Variants in E4F1 observed in about 807,000 individuals in gnomAD.
E4F1 encodes the protein E4F transcription factor 1.
In E4F1, 30 loss-of-function variants were observed where a neutral mutation model predicts 72.9. That is an observed-to-expected ratio of 0.41 (90% CI 0.31 to 0.56). The LOEUF is 0.56. Ranked by LOEUF, E4F1 falls within the 20% of genes least tolerant of loss-of-function variation. The probability of loss-of-function intolerance (pLI) is 0.25; values close to 1 mark genes in which losing one functional copy is unlikely to be tolerated. For synonymous variants in E4F1, 542 were observed against 478.2 expected, an observed-to-expected ratio of 1.13 and a Z score of -1.74; for missense variants, 1,091 against 1,117.5, an observed-to-expected ratio of 0.98 and a Z score of 0.34.
chr16:2,225,755 C>T (rs545712149), intron 1 of E4F1, among the ~76,000 whole-genome samples: 6 of 145,072 alleles, frequency 4.1e-5, no homozygotes, highest in African/African-American at 1.5e-4. Context: ...TACAGTCGTG[C>T]GCCACCGTGC....
chr16:2,233,458 C>A lies in E4F1; in HGVS notation c.1077C>A (p.Leu359=). The A allele has an allele frequency of 6.6e-7, 1 of 1,507,284 alleles. No homozygotes were observed. Among genetic ancestry groups the A allele is most frequent in the Non-Finnish European group, 8.8e-7 (1 of 1,133,084 alleles). 93.4% of individuals were successfully genotyped at this position (1,507,284 alleles called of 1,614,324 possible). A position where few individuals can be genotyped will look rare whatever the true frequency, so the allele number is the denominator to read the frequency against. ...TGCAGCCCCCCGTCTCCCAGGAGCT[C>A]CCCTGCTCCAGCGAGGGCAGCCGTG... ...LAPEPPVSQE[L]PCSSEGSREN... is the part of the protein sequence containing the mutation. The change falls in exon 8 of 14, where the codon CTC becomes CTA. Residue 359 remains leucine (L), a synonymous_variant. Coordinates refer to ENST00000301727, the MANE Select transcript of E4F1 (RefSeq NM_004424.5).
chr16:2,229,516 G>A (rs2093453061), intron 2 of E4F1, 54 bp from the exon 3 acceptor site: 8 of 1,568,162 alleles, frequency 5.1e-6, no homozygotes, highest in Non-Finnish European at 6.9e-6. Flanking sequence ...TCTTCTCTGA[G>A]AACTAACTCT....
In E4F1 at chr16:2,229,751, G is replaced by T. The variant is rs2093455479; in HGVS notation, c.415+76G>T. ...CCAGAGGATGGGGCCCCTGCTGCCT[G>T]TATGCTCGTCTCTCCCGAGACCAGG... On this transcript the variant is annotated intron_variant, in intron 3 of 13. Transcript: ENST00000301727. The T allele has an allele frequency of 4.7e-6, 7 of 1,497,468 alleles. No individual in the cohort carries two copies. The Admixed American group carries it at 1.0e-4, about 22-fold the overall frequency. The allele number at this position is 1,497,468 out of a possible 1,614,324, so 92.8% of individuals were successfully genotyped here. A position where few individuals can be genotyped will look rare whatever the true frequency, so the allele number is the denominator to read the frequency against.
chr16:2,230,068 C>G (rs555333337), intron 3 of E4F1: 77 of 268,158 alleles, frequency 2.9e-4, no homozygotes, highest in African/African-American at 1.5e-3. Flanking sequence ...CGCCCAGCAG[C>G]GGCTCTGGAG....
chr16:2,234,910 C>T lies in E4F1; in HGVS notation c.1844C>T (p.Ala615Val), dbSNP rs1230976886. 18 of 1,553,312 alleles carry T rather than the reference C, an allele frequency of 1.2e-5. No homozygotes were observed. Among genetic ancestry groups the T allele is most frequent in the Admixed American group, 1.9e-5 (1 of 51,286 alleles). The change falls in exon 12 of 14, where the codon GCG (alanine) becomes GTG (valine). Residue 615 changes from alanine (A) to valine (V), a missense_variant. This residue lies in a region of E4F1 where 622 missense variants were observed against 628.0 expected (regional missense o/e 0.99). Transcript: ENST00000301727. ...TTGCTGGTGTCTGAGGACAGCCCCGCGGCAGCCACCACCGTCCTCACGGAA... is the reference window on the plus strand; with the variant it reads ...TTGCTGGTGTCTGAGGACAGCCCCGTGGCAGCCACCACCGTCCTCACGGAA... The part of the protein sequence containing the change: ...EELLVSEDSP[A>V]AATTVLTEDP...
Position 2,223,646 on chromosome 16 carries a change from C to T in E4F1, c.33C>T (p.Ala11=), listed in dbSNP as rs2093411899. ...GCGCGATGGCAGTGCGGGTGACGGC[C>T]GCTCATACGGCAGAAGCCCAGGCCG... is the stretch of plus-strand genomic sequence containing the variant. MEGAMAVRVT[A]AHTAEAQAEA... is the part of the protein sequence containing the mutation. Residue 11 remains alanine, a synonymous_variant, in exon 1 of 14, where the codon GCC becomes GCT. Transcript: ENST00000301727. 32 of 1,590,508 alleles carry T rather than the reference C, an allele frequency of 2.0e-5. No individual in the cohort carries two copies. Among genetic ancestry groups the T allele is most frequent in the Non-Finnish European group, 2.6e-5 (31 of 1,174,156 alleles).
Position 2,234,562 on chromosome 16 carries a change from CACTG to C in E4F1, c.1594-18_1594-15del. The C allele has an allele frequency of 6.4e-7, 1 of 1,565,374 alleles. No individual in the cohort carries two copies. Among genetic ancestry groups the C allele is most frequent in the South Asian group, 1.2e-5 (1 of 86,442 alleles). On this transcript the variant is annotated splice_polypyrimidine_tract_variant and intron_variant, in intron 10 of 13. Transcript: ENST00000301727. ...TCTGTTGTGGCCAAGGCCAGGCTGG[CACTG>C]ACAGGTGTCTCCACAGAACGCACAG...
chr16:2,229,874 A>G (rs1293039089), intron 3 of E4F1, 199 bp downstream of exon 3: 2 of 581,348 alleles, frequency 3.4e-6, no homozygotes, highest in Non-Finnish European at 3.1e-6. Flanking sequence ...TCAGGTGTCC[A>G]CAGTGGCCGG....
Position 2,232,199 on chromosome 16 carries a change from G to C in E4F1, c.444G>C (p.Val148=), listed in dbSNP as rs1474025734. 1 of 1,612,488 alleles carries C rather than the reference G, an allele frequency of 6.2e-7. No homozygotes were observed. Among genetic ancestry groups the C allele is most frequent in the Non-Finnish European group, 8.5e-7 (1 of 1,179,936 alleles). ...VGGGHIKEVI[V]AAEAELGDGE... The stretch of plus-strand genomic sequence containing the variant: ...GTGGGCACATCAAAGAGGTCATCGT[G>C]GCTGCTGAGGCGGAGCTGGGAGACG... The change falls in exon 4 of 14, where the codon GTG becomes GTC. Residue 148 remains valine (V), a synonymous_variant. Transcript: ENST00000301727.
intron 1 of E4F1, among the ~76,000 whole-genome samples, chr16:2,226,503 G>A (rs567934857): frequency 5.1e-4 from 78 of 152,334 alleles, no homozygotes; most frequent in Non-Finnish European, 9.3e-4. Flanking sequence ...CTGTGGTTTG[G>A]CCCTTTCTCC....
In E4F1 at chr16:2,232,607, G is replaced by A. The variant is rs375723167; in HGVS notation, c.730+31G>A. 45 of 1,609,956 alleles carry A rather than the reference G, an allele frequency of 2.8e-5. No homozygotes were observed. The African/African-American group carries it at 2.8e-4, about 10-fold the overall frequency. On this transcript the variant is annotated intron_variant, in intron 5 of 13. Transcript: ENST00000301727. ...CTGGCCGCACCTCGGGCTGGAGCCC[G>A]GTAGCACCCCGATGGTTGGCCCTGG...
Position 2,232,889 on chromosome 16 carries a change from C to T in E4F1, c.864C>T (p.Ser288=), listed in dbSNP as rs1440877378. Residue 288 remains serine (S), a synonymous_variant, in exon 6 of 14, where the codon AGC becomes AGT. Coordinates refer to ENST00000301727, the MANE Select transcript of E4F1 (RefSeq NM_004424.5). ...RFSVSKDVVV[S]KEDARAGSGA... ...GTGTGAGCAAGGACGTGGTTGTCAG[C>T]AAAGAGGACGCACGTGCAGGTCAGC... 48 of 1,613,238 alleles carry T rather than the reference C, an allele frequency of 3.0e-5. No homozygotes were observed. The highest frequency in any genetic ancestry group is 3.8e-5 in the Non-Finnish European group (45 of 1,180,014).
chr16:2,234,843 G>C lies in E4F1; in HGVS notation c.1793-16G>C. 6.5e-7 allele frequency: 1 copy of C among 1,548,336 alleles called. No homozygotes were observed. Among genetic ancestry groups the C allele is most frequent in the African/African-American group, 1.4e-5 (1 of 73,130 alleles). ...GGCCGGGGCTTGCCTAGCCCTGACC[G>C]AGTCCCCACCCACAGGGGGCTGCCT... On this transcript the variant is annotated splice_polypyrimidine_tract_variant and intron_variant, in intron 11 of 13. Coordinates refer to ENST00000301727, the MANE Select transcript of E4F1 (RefSeq NM_004424.5).
chr16:2,228,887 G>A lies in E4F1; in HGVS notation c.309+364G>A, dbSNP rs544822081. Among the ~76,000 whole-genome samples the A allele has an allele frequency of 2.2e-4, 34 of 152,338 alleles. 3 individuals carry two copies. The highest frequency in any genetic ancestry group is 1.4e-3 in the Admixed American group (21 of 15,312). On this transcript the variant is annotated intron_variant, in intron 2 of 13. Transcript: ENST00000301727. ...CACACAGTCCCTAGGGACTTCACAC[G>A]TGAAGTGTGGCCCTGGGGGGTCCCG...
In E4F1 at chr16:2,224,346, C is replaced by T. The variant is rs866286336; in HGVS notation, c.157+576C>T. Among the ~76,000 whole-genome samples, 71 of 152,370 alleles carry T rather than the reference C, an allele frequency of 4.7e-4. 1 individual carries two copies. The highest frequency in any genetic ancestry group is 1.5e-3 in the African/African-American group (63 of 41,586). ...CCCTACCTCTGTGAACCTCTATTTC[C>T]CCTACAGAATGGGGCGGCGGCTTCT... On this transcript the variant is annotated intron_variant, in intron 1 of 13. Coordinates refer to ENST00000301727, the MANE Select transcript of E4F1 (RefSeq NM_004424.5).
intron 3 of E4F1, chr16:2,230,778 C>G (rs1212545000): frequency 6.7e-6 from 1 of 149,588 alleles, no homozygotes; most frequent in Admixed American, 6.7e-5. Context: ...CTCATCAATG[C>G]CACTCAGAGC....
Position 2,233,214 on chromosome 16 carries a change from C to G in E4F1, c.1056+31C>G. The G allele has an allele frequency of 2.5e-6, 4 of 1,574,434 alleles. No individual in the cohort carries two copies. The South Asian group carries it at 4.7e-5, about 18-fold the overall frequency. On this transcript the variant is annotated intron_variant, in intron 7 of 13. Transcript: ENST00000301727. ...GGCGACGGGGGGCCCCGGAGGGCTGCTCTGTCTTCTGCCTGCTCGGTGCCA... is the reference window on the plus strand; with the variant it reads ...GGCGACGGGGGGCCCCGGAGGGCTGGTCTGTCTTCTGCCTGCTCGGTGCCA...
In E4F1 at chr16:2,235,008, G is replaced by A. The variant is rs1409074290; in HGVS notation, c.1935+7G>A. ...CCAGGAGTATATCATCGAGGTGGGTGTGGGGCCCTGGGGCCGTGCTGGGAC... is the reference window on the plus strand; with the variant it reads ...CCAGGAGTATATCATCGAGGTGGGTATGGGGCCCTGGGGCCGTGCTGGGAC... On this transcript the variant is annotated splice_region_variant and intron_variant, in intron 12 of 13. Transcript: ENST00000301727. 5 of 1,611,620 alleles carry A rather than the reference G, an allele frequency of 3.1e-6. No homozygotes were observed. The highest frequency in any genetic ancestry group is 3.4e-6 in the Non-Finnish European group (4 of 1,179,510).
At chr16:2,231,142 A>T (rs1176760481) in intron 3 of E4F1, 4 of 152,422 alleles carry the variant, frequency 2.6e-5, no homozygotes, top group African/African-American at 9.7e-5. Flanking sequence ...CCTCTAGTGG[A>T]GATGGCAGAG....
Sources: gnomAD v4.1 joint callset for allele counts (sites outside exome capture counted in the v4.1 genomes callset) on GRCh38, gnomAD v4.1.1 for gene constraint, gnomAD v4.1.1 regional missense constraint, MANE v1.5 for transcripts, NCBI Gene and HGNC (gene_info 2026-07-23, HGNC 2026-07-21) for gene names.